The following KIF1A variants were observed in gnomAD, a reference collection of about 807,000 sequenced individuals.
KIF1A encodes kinesin family member 1A.
Under a neutral mutation model 227.3 loss-of-function variants are expected in KIF1A, and 46 were observed. The ratio of observed to expected loss-of-function variants is 0.20; its 90% CI spans 0.16 to 0.26. KIF1A has a LOEUF of 0.26. Ranked by LOEUF, KIF1A falls within the 10% of genes least tolerant of loss-of-function variation. The probability of loss-of-function intolerance (pLI) is 1.00; values close to 1 mark genes in which losing one functional copy is unlikely to be tolerated. For synonymous variants in KIF1A, 1,022 were observed against 1,012.8 expected (o/e 1.01, Z -0.17); for missense variants, 1,683 against 2,485.9 (o/e 0.68, Z 6.87).
intron 1 of KIF1A, among the ~76,000 whole-genome samples, chr2:240,798,521 G>A (rs1393418639): frequency 6.6e-6 from 1 of 152,222 alleles, no homozygotes; most frequent in Non-Finnish European, 1.5e-5. Flanking sequence ...GCTTCGGCCT[G>A]GCCTTTACCC....
intron 1 of KIF1A, among the ~76,000 whole-genome samples, chr2:240,802,962 G>A (rs1188706021): frequency 5.9e-5 from 9 of 152,154 alleles, no homozygotes; most frequent in African/African-American, 2.2e-4. Flanking sequence ...CACACAGAAT[G>A]TGTGCTAAAA....
chr2:240,723,056 G>A (rs969130541), intron 42 of KIF1A, among the ~76,000 whole-genome samples: 6 of 152,194 alleles, frequency 3.9e-5, no homozygotes, highest in East Asian at 3.8e-4. Flanking sequence ...CACTCGGCCC[G>A]AGGCAGTGCC....
At chr2:240,817,154 G>A (rs902473297) in intron 1 of KIF1A, among the ~76,000 whole-genome samples, 1 of 152,238 alleles carries the variant, frequency 6.6e-6, no homozygotes, top group African/African-American at 2.4e-5. Context: ...TATGGCCGGA[G>A]GCCACCACCT....
At chr2:240,771,987 G>T (rs1044290207) in intron 14 of KIF1A, among the ~76,000 whole-genome samples, 6 of 152,240 alleles carry the variant, frequency 3.9e-5, no homozygotes, top group African/African-American at 1.4e-4. Context: ...CTGCAGCCAA[G>T]CTCGGGGAGG....
chr2:240,773,699 G>C (rs1021753890), intron 12 of KIF1A, among the ~76,000 whole-genome samples: 2 of 152,194 alleles, frequency 1.3e-5, no homozygotes, highest in African/African-American at 4.8e-5. Context: ...TGGGCCACAC[G>C]CCCTTTGTTT....
chr2:240,762,954 G>T, intron 22 of KIF1A, 65 bp downstream of exon 22: 1 of 1,373,944 alleles, frequency 7.3e-7, no homozygotes, highest in Non-Finnish European at 9.7e-7. Context: ...GTGGGGGCGT[G>T]GGAGGACAGG....
intron 38 of KIF1A, among the ~76,000 whole-genome samples, chr2:240,729,593 C>T (rs2046387057): frequency 6.6e-6 from 1 of 152,250 alleles, no homozygotes; most frequent in Non-Finnish European, 1.5e-5. Context: ...CAAGTGGACT[C>T]TGCTGGAGCC....
In KIF1A at chr2:240,788,034, C is replaced by CCCCCCCCCCCTCGT; in HGVS notation, c.363+16_363+17insACGAGGGGGGGGGG. ...CCCATCTGCCAGGGCTGCCCCCGCC[C>CCCCCCCCCCCTCGT]GCCCCCCGCTTCGTGCCTGTGGGAT... is the stretch of plus-strand genomic sequence containing the variant. On this transcript the variant is annotated intron_variant, in intron 4 of 48. Transcript: ENST00000498729. The surrounding 1 kb of genome is among the most constrained non-coding windows in gnomAD (Gnocchi z 6.6). 9.0e-6 allele frequency: 13 copies of CCCCCCCCCCCTCGT among 1,449,046 alleles called. No individual in the cohort carries two copies. The highest frequency in any genetic ancestry group is 1.1e-5 in the Non-Finnish European group (12 of 1,059,086). 89.8% of individuals were successfully genotyped at this position (1,449,046 alleles called of 1,614,324 possible).
At chr2:240,774,398 CCCCCA>C (rs2052471300) in intron 11 of KIF1A, 137 bp from the exon 12 acceptor site, 4 of 420,960 alleles carry the variant, frequency 9.5e-6, no homozygotes, top group Admixed American at 4.0e-5. Flanking sequence ...CTTACCCCCC[CCCCCA>C]CCCCCACCCC....
At chr2:240,717,539 C>T in intron 48 of KIF1A, 133 bp from the exon 49 acceptor site, 1 of 766,990 alleles carries the variant, frequency 1.3e-6, no homozygotes, top group African/African-American at 1.7e-5. Flanking sequence ...CCCTCACCAC[C>T]TGGGGAAGGG....
intron 47 of KIF1A, among the ~76,000 whole-genome samples, chr2:240,718,634 G>A (rs906615744): frequency 1.3e-5 from 2 of 152,238 alleles, no homozygotes; most frequent in Non-Finnish European, 2.9e-5. Flanking sequence ...GCAGAGTGGG[G>A]GCAGGAGGGC....
Position 240,721,833 on chromosome 2 carries a change from C to A in KIF1A, c.4717G>T (p.Val1573Phe). 1 of 1,607,104 alleles carries A rather than the reference C, an allele frequency of 6.2e-7. No homozygotes were observed. The change falls in exon 44 of 49, where the codon GTC becomes TTC. Residue 1573 changes from valine (V) to phenylalanine (F), a missense_variant. Physicochemically the swap from Val to Phe is conservative, Grantham distance 50 (BLOSUM62 -1). Around this residue, in one of 12 missense-constraint regions of KIF1A, gnomAD observed 384 missense variants for 410.1 expected, o/e 0.94. Coordinates refer to ENST00000498729, the MANE Select transcript of KIF1A (RefSeq NM_001244008.2). ...TTGCTCTCGCTGGCACTGACGCAGACGTGGCTGTGTGTGTACTCTCTGTTG... is the reference window on the plus strand; with the variant it reads ...TTGCTCTCGCTGGCACTGACGCAGAAGTGGCTGTGTGTGTACTCTCTGTTG... ...TFNREYTHSH[V>F]CVSASESKLS...
At position 240,789,692 on chromosome 2, in the gene KIF1A, CT is replaced by C. The variant is rs1293524849; in HGVS notation, c.107-381del. On this transcript the variant is annotated intron_variant, in intron 2 of 48. Coordinates refer to ENST00000498729, the MANE Select transcript of KIF1A (RefSeq NM_001244008.2). The surrounding 1 kb of genome is among the most constrained non-coding windows in gnomAD (Gnocchi z 4.8). ...CACAGCCCCTGCCCTGCCCCGCCCC[CT>C]GCTCAGGCCTTTATGCTCCGGCTCA... Among the ~76,000 whole-genome samples the C allele has an allele frequency of 1.2e-3, 181 of 152,352 alleles. No individual in the cohort carries two copies. Among genetic ancestry groups the C allele is most frequent in the African/African-American group, 4.2e-3 (176 of 41,592 alleles).
rs35139906 is a variant in KIF1A, at chr2:240,787,287, G to A, written c.393C>T (p.Asn131=). The A allele has an allele frequency of 3.4e-3, 5,549 of 1,613,378 alleles. 164 individuals carry two copies. The African/African-American group carries it at 0.063, about 18-fold the overall frequency. Residue 131 remains asparagine, a synonymous_variant, in exon 5 of 49, where the codon AAC becomes AAT. Transcript: ENST00000498729. ...QLCEDLFSRI[N]DTTNDNMSYS... Reference sequence around the variant, plus strand: ...AGGACATGTTGTCGTTGGTCGTGTCGTTGATCCGAGAGAAGAGGTCCTCGC... The same window carrying A: ...AGGACATGTTGTCGTTGGTCGTGTCATTGATCCGAGAGAAGAGGTCCTCGC...
chr2:240,808,631 C>G (rs774859895), intron 1 of KIF1A, among the ~76,000 whole-genome samples: 8 of 151,966 alleles, frequency 5.3e-5, no homozygotes, highest in Admixed American at 2.0e-4. Context: ...AATGATCACA[C>G]CACTGCACTC....
At chr2:240,811,715 G>T (rs1411112632) in intron 1 of KIF1A, among the ~76,000 whole-genome samples, 4 of 152,186 alleles carry the variant, frequency 2.6e-5, no homozygotes, top group Non-Finnish European at 5.9e-5. Flanking sequence ...GGAGTGGCCA[G>T]AGATGAGGGC....
At chr2:240,774,474 G>T (rs909179537) in intron 11 of KIF1A, among the ~76,000 whole-genome samples, 3 of 139,696 alleles carry the variant, frequency 2.1e-5, no homozygotes, top group Non-Finnish European at 3.0e-5. Flanking sequence ...CTCTGAACCA[G>T]GCACCGCTAT....
intron 10 of KIF1A, among the ~76,000 whole-genome samples, chr2:240,780,761 C>T (rs186032800): frequency 6.9e-6 from 1 of 145,970 alleles, no homozygotes. Context: ...GCAGGCTCCC[C>T]ACACAGCTCC....
chr2:240,816,027 G>A (rs950699294), intron 1 of KIF1A, among the ~76,000 whole-genome samples: 1 of 152,172 alleles, frequency 6.6e-6, no homozygotes, highest in African/African-American at 2.4e-5. Context: ...AGGGGTAGGG[G>A]TGACAGCAGG....
Sources: allele counts gnomAD v4.1 joint callset (sites outside exome capture counted in the v4.1 genomes callset), GRCh38; gene constraint gnomAD v4.1.1; regional missense constraint gnomAD v4.1.1; non-coding constraint Gnocchi (gnomAD v3.1); transcripts MANE v1.5; gene names NCBI Gene and HGNC (gene_info 2026-07-23, HGNC 2026-07-21).